Variants in ADCY5 observed in about 807,000 individuals in gnomAD.
ADCY5 encodes adenylate cyclase type 5.
ADCY5 carries 30 observed loss-of-function variants against 119.7 expected under a neutral mutation model. That is an observed-to-expected ratio of 0.25 (90% CI 0.19 to 0.34). ADCY5 has a LOEUF of 0.34. ADCY5 is among the 10% of genes least tolerant of loss of function. The probability of loss-of-function intolerance (pLI) is 1.00; values close to 1 mark genes in which losing one functional copy is unlikely to be tolerated. For missense variants in ADCY5, 1,324 were observed against 1,775.2 expected, an observed-to-expected ratio of 0.75 and a Z score of 4.57; for synonymous variants, 753 against 762.2, an observed-to-expected ratio of 0.99 and a Z score of 0.20.
intron 3 of ADCY5, among the ~76,000 whole-genome samples, chr3:123,335,291 C>T (rs1172892701): frequency 1.3e-5 from 2 of 152,180 alleles, no homozygotes; most frequent in Admixed American, 6.5e-5. Flanking sequence ...TTGGCCTCTG[C>T]GTGGTGTGTC....
chr3:123,314,351 G>A (rs1576558890), intron 11 of ADCY5, 29 bp from the exon 12 acceptor site: 1 of 1,549,714 alleles, frequency 6.5e-7, no homozygotes, highest in East Asian at 2.3e-5. Flanking sequence ...GGAGGGAGAA[G>A]CCAGGCTCAG....
intron 1 of ADCY5, among the ~76,000 whole-genome samples, chr3:123,398,409 G>A (rs539035543): frequency 9.2e-5 from 14 of 152,234 alleles, no homozygotes; most frequent in South Asian, 6.2e-4. Context: ...GATCCTGAAC[G>A]GGGCTTGGTT....
intron 8 of ADCY5, among the ~76,000 whole-genome samples, chr3:123,322,538 C>T (rs1296947066): frequency 6.6e-6 from 1 of 152,078 alleles, no homozygotes; most frequent in East Asian, 1.9e-4. Flanking sequence ...GCAGGGGGGC[C>T]ATTAAAACAC....
At chr3:123,346,442 CAT>C (rs1942555302) in intron 3 of ADCY5, among the ~76,000 whole-genome samples, 1 of 152,164 alleles carries the variant, frequency 6.6e-6, no homozygotes, top group Non-Finnish European at 1.5e-5. Context: ...TATGCAGATA[CAT>C]GTCTCTCCTA....
At chr3:123,367,955 C>A in intron 1 of ADCY5, 1 of 1,535,668 alleles carries the variant, frequency 6.5e-7, no homozygotes, top group Non-Finnish European at 8.7e-7. Flanking sequence ...GTGGGACAGG[C>A]CTGGGCCCTA....
intron 1 of ADCY5, among the ~76,000 whole-genome samples, chr3:123,438,353 C>G (rs1201322626): frequency 6.6e-6 from 1 of 152,126 alleles, no homozygotes; most frequent in African/African-American, 2.4e-5. Context: ...TGACACACAC[C>G]ATGTGTGTGT....
chr3:123,284,857 G>T, intron 20 of ADCY5, 121 bp from the exon 21 acceptor site: 2 of 1,370,530 alleles, frequency 1.5e-6, no homozygotes, highest in South Asian at 2.5e-5. Context: ...AAGGAGAGGG[G>T]CAGCTGCCCC....
chr3:123,379,329 G>A (rs56384012), intron 1 of ADCY5, among the ~76,000 whole-genome samples: 71,807 of 151,708 alleles, frequency 0.47, 17,745 homozygotes, highest in East Asian at 0.68. Context: ...AGGGGGTGAT[G>A]CTGGTATAGA....
Position 123,297,183 on chromosome 3 carries a change from C to G in ADCY5, c.2930+170G>C, listed in dbSNP as rs1014148779. Reference sequence around the variant, plus strand: ...ATGAAAGTGACCAGGGCCTCTGCCCCCCGAGGACGCCTTGCTACCCCAGGA... The same window carrying G: ...ATGAAAGTGACCAGGGCCTCTGCCCGCCGAGGACGCCTTGCTACCCCAGGA... On this transcript the variant is annotated intron_variant, in intron 16 of 20. Coordinates refer to ENST00000462833, the MANE Select transcript of ADCY5 (RefSeq NM_183357.3). The G allele has an allele frequency of 1.5e-5, 20 of 1,329,892 alleles. No homozygotes were observed. The East Asian group carries it at 3.0e-4, about 20-fold the overall frequency. The allele number at this position is 1,329,892 out of a possible 1,614,324, so 82.4% of individuals were successfully genotyped here. A position where few individuals can be genotyped will look rare whatever the true frequency, so the allele number is the denominator to read the frequency against.
At chr3:123,314,411 G>C in intron 11 of ADCY5, 89 bp from the exon 12 acceptor site, 2 of 1,027,676 alleles carry the variant, frequency 1.9e-6, no homozygotes, top group Non-Finnish European at 2.9e-6. Context: ...CAGGCCACAG[G>C]TCCCCCGTGC....
At chr3:123,373,537 A>T (rs763603030) in intron 1 of ADCY5, among the ~76,000 whole-genome samples, 4 of 151,616 alleles carry the variant, frequency 2.6e-5, no homozygotes, top group Non-Finnish European at 4.4e-5. Flanking sequence ...CACAGAAACG[A>T]CTCCTTGCCC....
rs572935424 is a variant in ADCY5, at chr3:123,318,730, T to A, written c.2257-613A>T. Reference sequence around the variant, plus strand: ...GTTTGCTTGCCTGGTTTAATGCTGATGAGCATACCACAAGTCCATTTTAAC... The same window carrying A: ...GTTTGCTTGCCTGGTTTAATGCTGAAGAGCATACCACAAGTCCATTTTAAC... On this transcript the variant is annotated intron_variant, in intron 10 of 20. Coordinates refer to ENST00000462833, the MANE Select transcript of ADCY5 (RefSeq NM_183357.3). Among the ~76,000 whole-genome samples the A allele has an allele frequency of 5.3e-5, 8 of 152,320 alleles. No individual in the cohort carries two copies. In the South Asian group the frequency reaches 1.7e-3, roughly 32 times the overall value.
In ADCY5 at chr3:123,352,377, G is replaced by A; in HGVS notation, c.1284+55C>T. The stretch of plus-strand genomic sequence containing the variant: ...GCCCTAGGCCAGGCACTCAGCTGAG[G>A]TACATCTCAGGGCTCGACTCCGTCC... On this transcript the variant is annotated intron_variant, in intron 2 of 20. Coordinates refer to ENST00000462833, the MANE Select transcript of ADCY5 (RefSeq NM_183357.3). The surrounding 1 kb of genome is among the most constrained non-coding windows in gnomAD (Gnocchi z 4.8). 1 of 1,549,666 alleles carries A rather than the reference G, an allele frequency of 6.5e-7. No homozygotes were observed. Among genetic ancestry groups the A allele is most frequent in the East Asian group, 2.3e-5 (1 of 43,928 alleles).
intron 1 of ADCY5, among the ~76,000 whole-genome samples, chr3:123,373,549 G>A (rs990081488): frequency 2.0e-5 from 3 of 152,232 alleles, no homozygotes; most frequent in African/African-American, 7.2e-5. Flanking sequence ...TCCTTGCCCT[G>A]AAGGACGCTG....
intron 17 of ADCY5, among the ~76,000 whole-genome samples, chr3:123,294,340 G>A (rs577158323): frequency 6.6e-6 from 1 of 152,210 alleles, no homozygotes; most frequent in African/African-American, 2.4e-5. Flanking sequence ...CTGAGGATCA[G>A]AAAATTAGTG....
chr3:123,306,093 T>A (rs747481068), intron 12 of ADCY5, among the ~76,000 whole-genome samples: 3 of 152,184 alleles, frequency 2.0e-5, no homozygotes, highest in Non-Finnish European at 4.4e-5. Context: ...CCCTCTGGGA[T>A]AATAAAAAGA....
intron 3 of ADCY5, among the ~76,000 whole-genome samples, chr3:123,335,562 C>T (rs559078228): frequency 1.1e-4 from 17 of 152,298 alleles, no homozygotes; most frequent in African/African-American, 4.1e-4. Context: ...GCCCCACAGA[C>T]ATCTTAAATG....
At chr3:123,344,501 T>A (rs1942435892) in intron 3 of ADCY5, among the ~76,000 whole-genome samples, 1 of 152,190 alleles carries the variant, frequency 6.6e-6, no homozygotes, top group African/African-American at 2.4e-5. Flanking sequence ...ATTAAGTAGG[T>A]ACTCTTCCTA....
intron 12 of ADCY5, among the ~76,000 whole-genome samples, chr3:123,306,377 C>T (rs1940199675): frequency 6.6e-6 from 1 of 152,094 alleles, no homozygotes; most frequent in African/African-American, 2.4e-5. Context: ...CAAAAATGAA[C>T]TCAAAATGGA....
Sources: gnomAD v4.1 joint callset for allele counts (sites outside exome capture counted in the v4.1 genomes callset) on GRCh38, gnomAD v4.1.1 for gene constraint, Gnocchi (gnomAD v3.1) non-coding constraint, MANE v1.5 for transcripts, NCBI Gene and HGNC (gene_info 2026-07-23, HGNC 2026-07-21) for gene names.